The following CHLSN variants were observed in gnomAD, a reference collection of about 807,000 sequenced individuals.
The protein encoded by CHLSN is protein cholesin.
the CHLSN span, chr7:1,058,304 G>A: frequency 1.0e-5 from 8 of 775,120 alleles, no homozygotes; most frequent in Non-Finnish European, 1.7e-5. Context: ...TCTCGCGAGG[G>A]AAGCCCGTGG....
chr7:1,063,904 C>G, the CHLSN span, among the ~76,000 whole-genome samples: 1 of 152,208 alleles, frequency 6.6e-6, no homozygotes, highest in Non-Finnish European at 1.5e-5. Flanking sequence ...TCTACCACAC[C>G]ACAGAGAAGT....
the CHLSN span, among the ~76,000 whole-genome samples, chr7:1,030,578 A>G: frequency 6.6e-6 from 1 of 152,204 alleles, no homozygotes; most frequent in Non-Finnish European, 1.5e-5. Flanking sequence ...AGGTGGACAC[A>G]TACCAGCTGC....
chr7:1,081,682 C>T, the CHLSN span, among the ~76,000 whole-genome samples: 2 of 139,402 alleles, frequency 1.4e-5, no homozygotes, highest in Non-Finnish European at 3.2e-5. Context: ...CTGGAAGCCC[C>T]GACCCAGACA....
the CHLSN span, among the ~76,000 whole-genome samples, chr7:1,067,985 C>T: frequency 6.6e-6 from 1 of 152,158 alleles, no homozygotes; most frequent in Non-Finnish European, 1.5e-5. Flanking sequence ...GGCAGAATCA[C>T]CGCCATGCTC....
chr7:1,133,246 C>A, the CHLSN span, among the ~76,000 whole-genome samples: 1 of 151,912 alleles, frequency 6.6e-6, no homozygotes, highest in Non-Finnish European at 1.5e-5. Flanking sequence ...ATTATACTGA[C>A]AGAAAGGAGA....
At chr7:1,101,661 C>T in the CHLSN span, among the ~76,000 whole-genome samples, 1 of 152,228 alleles carries the variant, frequency 6.6e-6, no homozygotes, top group African/African-American at 2.4e-5. Context: ...GTCCCAGCAC[C>T]GGGCCCTGCC....
At chr7:991,743 T>C in the CHLSN span, among the ~76,000 whole-genome samples, 1 of 152,206 alleles carries the variant, frequency 6.6e-6, no homozygotes, top group African/African-American at 2.4e-5. Context: ...CCATCAGCCA[T>C]GTTGAAGTGC....
the CHLSN span, chr7:1,028,353 C>T: frequency 3.0e-6 from 3 of 1,012,516 alleles, no homozygotes; most frequent in African/African-American, 3.5e-5. Flanking sequence ...CCAGCAGCCT[C>T]AGCGCCTCCA....
the CHLSN span, among the ~76,000 whole-genome samples, chr7:1,117,375 CG>C: frequency 9.1e-6 from 1 of 109,872 alleles, no homozygotes; most frequent in Non-Finnish European, 1.8e-5. Context: ...CTCTACGGAC[CG>C]GCTTCCATCA....
the CHLSN span, among the ~76,000 whole-genome samples, chr7:998,319 G>A: frequency 6.6e-6 from 1 of 152,170 alleles, no homozygotes; most frequent in Non-Finnish European, 1.5e-5. Flanking sequence ...CCCTGTGGCA[G>A]CGGCTTTCAA....
At chr7:1,097,633 A>G in the CHLSN span, among the ~76,000 whole-genome samples, 31 of 152,154 alleles carry the variant, frequency 2.0e-4, no homozygotes, top group African/African-American at 1.7e-4. This position sits in a 1 kb window ranked among gnomAD's most constrained non-coding sequence, Gnocchi z 4.3. Flanking sequence ...GGCGAATCTC[A>G]GGGGGCAGTG....
chr7:1,020,558 G>A, the CHLSN span, among the ~76,000 whole-genome samples: 1 of 152,342 alleles, frequency 6.6e-6, no homozygotes, highest in African/African-American at 2.4e-5. Flanking sequence ...TTGGGGAACA[G>A]GCCAACCCCT....
At chr7:1,049,367 C>T in the CHLSN span, among the ~76,000 whole-genome samples, 6 of 152,238 alleles carry the variant, frequency 3.9e-5, no homozygotes, top group Non-Finnish European at 7.3e-5. Flanking sequence ...TTGTGCTTCA[C>T]ATGGGTTGGT....
chr7:988,381 C>T, the CHLSN span: 1 of 1,612,718 alleles, frequency 6.2e-7, no homozygotes, highest in Non-Finnish European at 8.5e-7. Context: ...CGAATGGGCA[C>T]TTTGTGAAGC....
chr7:1,009,807 G>C, the CHLSN span: 1 of 715,548 alleles, frequency 1.4e-6, no homozygotes, highest in Non-Finnish European at 2.2e-6. Context: ...GGGCAGCGGC[G>C]GCAGCACAGG....
chr7:1,010,143 C>T, the CHLSN span: 1 of 1,608,244 alleles, frequency 6.2e-7, no homozygotes, highest in African/African-American at 1.3e-5. Flanking sequence ...ACAGCTTCGC[C>T]CTGAAAGTCA....
At chr7:1,037,010 C>G in the CHLSN span, among the ~76,000 whole-genome samples, 1 of 147,040 alleles carries the variant, frequency 6.8e-6, no homozygotes, top group African/African-American at 2.4e-5. Context: ...ATTCTGGAGG[C>G]TGAGGTGAAA....
chr7:984,987 C>T, the CHLSN span: 13 of 1,609,466 alleles, frequency 8.1e-6, no homozygotes, highest in Admixed American at 1.0e-4. Context: ...GGAGGGCTGC[C>T]CGCCAGTTCA....
chr7:1,005,318 G>A, the CHLSN span, among the ~76,000 whole-genome samples: 1 of 152,144 alleles, frequency 6.6e-6, no homozygotes, highest in African/African-American at 2.4e-5. Context: ...CACAAAAAGC[G>A]GGGACTTCTT....
Sources: gnomAD v4.1 joint callset for allele counts (sites outside exome capture counted in the v4.1 genomes callset) on GRCh38, gnomAD v4.1.1 for gene constraint, Gnocchi (gnomAD v3.1) non-coding constraint, MANE v1.5 for transcripts, NCBI Gene and HGNC (gene_info 2026-07-23, HGNC 2026-07-21) for gene names.